FAAH2: variants seen among roughly 807,000 people sequenced by gnomAD.
FAAH2 encodes the protein fatty-acid amide hydrolase 2.
A neutral mutation model predicts 36.9 loss-of-function variants in FAAH2; 60 were observed. That is an observed-to-expected ratio of 1.63 (90% CI 1.32 to 2.02). The LOEUF (loss-of-function observed/expected upper bound fraction) is 2.02. FAAH2 is among the 30% of genes most tolerant of loss of function. The probability of loss-of-function intolerance (pLI) is 0.00; values close to 1 mark genes in which losing one functional copy is unlikely to be tolerated. For missense variants in FAAH2, 689 were observed against 397.5 expected (o/e 1.73, Z -6.23); for synonymous variants, 214 against 143.8 (o/e 1.49, Z -3.49).
intron 8 of FAAH2, among the ~76,000 whole-genome samples, chrX:57,437,219 G>A (rs745712108): frequency 1.8e-5 from 2 of 110,802 alleles, no homozygotes; most frequent in East Asian, 2.8e-4. Context: ...GGCATAAAAT[G>A]AACATATCTC....
intron 3 of FAAH2, among the ~76,000 whole-genome samples, chrX:57,315,936 C>T (rs1378468662): frequency 1.8e-5 from 2 of 111,348 alleles, no homozygotes; most frequent in East Asian, 5.7e-4. Flanking sequence ...AAAGAAAAGG[C>T]ATCCAAATAG....
At chrX:57,388,198 A>G (rs745738264) in intron 7 of FAAH2, among the ~76,000 whole-genome samples, 2 of 111,550 alleles carry the variant, frequency 1.8e-5, no homozygotes, top group East Asian at 2.8e-4. Flanking sequence ...TAAAGTTAAT[A>G]ACTTTATATA....
At chrX:57,460,344 G>C (rs1251114452) in intron 10 of FAAH2, among the ~76,000 whole-genome samples, 1 of 111,035 alleles carries the variant, frequency 9.0e-6, no homozygotes, top group Non-Finnish European at 1.9e-5. Context: ...GCAACCCCAA[G>C]ACAGGTAATC....
chrX:57,157,555 C>G, the FAAH2 span, among the ~76,000 whole-genome samples: 1 of 111,595 alleles, frequency 9.0e-6, no homozygotes, highest in Admixed American at 9.5e-5. Flanking sequence ...TCTCTCCCAA[C>G]ACACAGATTC....
the FAAH2 span, among the ~76,000 whole-genome samples, chrX:57,163,886 C>G: frequency 8.9e-6 from 1 of 112,120 alleles, no homozygotes; most frequent in African/African-American, 3.2e-5. Flanking sequence ...TGGCTCCTCC[C>G]TTAATATGAA....
chrX:57,287,810 T>C (rs2051852006), intron 1 of FAAH2, among the ~76,000 whole-genome samples: 1 of 111,655 alleles, frequency 9.0e-6, no homozygotes, highest in African/African-American at 3.3e-5. Context: ...CATTTGTTTT[T>C]CGTCATTGCT....
chrX:57,336,335 CT>C (rs760394281), intron 4 of FAAH2, among the ~76,000 whole-genome samples: 135 of 110,796 alleles, frequency 1.2e-3, no homozygotes, highest in South Asian at 5.4e-3. Context: ...GGCCCCACCC[CT>C]ATCTCCCTTC....
chrX:57,464,654 C>G (rs1419844855), intron 10 of FAAH2, among the ~76,000 whole-genome samples: 1 of 108,947 alleles, frequency 9.2e-6, no homozygotes, highest in Non-Finnish European at 1.9e-5. Context: ...ATACATCCAA[C>G]AAAGGCCTAC....
the FAAH2 span, among the ~76,000 whole-genome samples, chrX:57,222,928 C>T: frequency 1.8e-5 from 2 of 111,805 alleles, no homozygotes; most frequent in Non-Finnish European, 3.8e-5. Flanking sequence ...CCCACACACA[C>T]ACACTATTGA....
chrX:57,478,489 T>C (rs1437033111), intron 10 of FAAH2, among the ~76,000 whole-genome samples: 2 of 112,045 alleles, frequency 1.8e-5, no homozygotes, highest in Non-Finnish European at 3.8e-5. Flanking sequence ...CTCTTTAGTT[T>C]AATTAGATCC....
chrX:57,223,572 T>G, the FAAH2 span, among the ~76,000 whole-genome samples: 1 of 110,997 alleles, frequency 9.0e-6, no homozygotes, highest in East Asian at 2.9e-4. Flanking sequence ...CCACTCAGTG[T>G]CACCCCAAGG....
chrX:57,437,963 A>ATACGTATATGTATACACATATG (rs1242298281), intron 8 of FAAH2, among the ~76,000 whole-genome samples: 2 of 103,949 alleles, frequency 1.9e-5, no homozygotes, highest in East Asian at 6.0e-4. Context: ...ACATATATAC[A>ATACGTATATGTATACACATATG]TACGTATATG....
the FAAH2 span, among the ~76,000 whole-genome samples, chrX:57,209,461 C>T: frequency 9.0e-6 from 1 of 110,914 alleles, no homozygotes; most frequent in East Asian, 2.8e-4. Flanking sequence ...CAGGGAGTGT[C>T]TAGAAATTTC....
intron 3 of FAAH2, among the ~76,000 whole-genome samples, chrX:57,317,085 T>G (rs1284517148): frequency 9.0e-6 from 1 of 111,385 alleles, no homozygotes; most frequent in Non-Finnish European, 1.9e-5. Context: ...AGAGACATGA[T>G]CAGACATCAC....
At chrX:57,363,828 A>AT (rs1356929662) in intron 5 of FAAH2, among the ~76,000 whole-genome samples, 1 of 110,886 alleles carries the variant, frequency 9.0e-6, no homozygotes, top group Non-Finnish European at 1.9e-5. Context: ...ATAGTCATAT[A>AT]TTTTTTAAAG....
rs371786189 is a variant in FAAH2, at chrX:57,389,293, C to CATAT, written c.996+8274_996+8277dup. 9.1e-3 allele frequency among the ~76,000 whole-genome samples: 865 copies of CATAT among 94,567 alleles called. 16 individuals are homozygous for CATAT. The highest frequency in any genetic ancestry group is 0.04 in the Admixed American group (333 of 8,304). The allele number at this position is 94,567 out of a possible 115,157, so 82.1% of individuals were successfully genotyped here. ...ACACACACACCTACACACACACACA[C>CATAT]ATATATATATATACATATATAATAT... is the stretch of plus-strand genomic sequence containing the variant. On this transcript the variant is annotated intron_variant, in intron 7 of 10. Transcript: ENST00000374900.
intron 5 of FAAH2, among the ~76,000 whole-genome samples, chrX:57,363,049 G>T (rs1050929162): frequency 9.0e-6 from 1 of 111,436 alleles, no homozygotes; most frequent in African/African-American, 3.3e-5. Flanking sequence ...AATTGCTTTG[G>T]CTATTCGGGC....
chrX:57,196,751 G>A, the FAAH2 span, among the ~76,000 whole-genome samples: 1 of 111,018 alleles, frequency 9.0e-6, no homozygotes, highest in African/African-American at 3.3e-5. Flanking sequence ...TTTTGCTGAG[G>A]GCTTTAATCA....
chrX:57,399,550 T>A lies in FAAH2; in HGVS notation c.996+18521T>A, dbSNP rs751167309. Among the ~76,000 whole-genome samples, 4 of 111,877 alleles carry A rather than the reference T, an allele frequency of 3.6e-5. No individual in the cohort carries two copies. In the East Asian group the frequency reaches 1.1e-3, roughly 32 times the overall value. ...GGGGTCCTTCTATAAGCATTTCTTA[T>A]GGAGGGTCCTGCCTTGTGGCTCTTT... On this transcript the variant is annotated intron_variant, in intron 7 of 10. Transcript: ENST00000374900.
Sources: gnomAD v4.1 joint callset for allele counts (sites outside exome capture counted in the v4.1 genomes callset) on GRCh38, gnomAD v4.1.1 for gene constraint, MANE v1.5 for transcripts, NCBI Gene and HGNC (gene_info 2026-07-23, HGNC 2026-07-21) for gene names.